The following ERAP2 variants were observed in gnomAD, a reference collection of about 807,000 sequenced individuals.
ERAP2 encodes the protein leukocyte-derived arginine aminopeptidase.
In ERAP2, 118 loss-of-function variants were observed where a neutral mutation model predicts 111.1. The observed-to-expected ratio is 1.06, with a 90% CI of 0.92 to 1.24. The LOEUF is 1.24. Among genes scored for constraint, ERAP2 ranks in the 50% most tolerant of loss-of-function variants. The pLI is 0.00. For synonymous variants in ERAP2, 410 were observed against 401.2 expected, an observed-to-expected ratio of 1.02 and a Z score of -0.26; for missense variants, 1,131 against 1,125.8, an observed-to-expected ratio of 1.00 and a Z score of -0.07.
chr5:96,911,866 C>CAAAA lies in ERAP2; in HGVS notation c.2355-759_2355-756dup, dbSNP rs386358295. ...TGAACAACAGAGTAAGACCCTGTCT[C>CAAAA]AAAAAAAAAAAAAAAGAAAGAAAGA... On this transcript the variant is annotated intron_variant, in intron 15 of 18. Transcript: ENST00000437043. Among the ~76,000 whole-genome samples the CAAAA allele has an allele frequency of 3.9e-4, 22 of 56,652 alleles. 1 individual carries two copies. The East Asian group carries it at 0.01, about 26-fold the overall frequency. The allele number at this position is 56,652 out of a possible 152,430, so 37.2% of individuals were successfully genotyped here.
At chr5:96,911,391 C>T in intron 15 of ERAP2, among the ~76,000 whole-genome samples, 1 of 152,060 alleles carries the variant, frequency 6.6e-6, no homozygotes, top group East Asian at 1.9e-4. Flanking sequence ...GTCATATGCC[C>T]ACTTAGAATA....
intron 10 of ERAP2, among the ~76,000 whole-genome samples, chr5:96,900,804 G>A (rs1369216192): frequency 6.6e-6 from 1 of 152,084 alleles, no homozygotes; most frequent in African/African-American, 2.4e-5. Context: ...AGCCTCCCAA[G>A]TAGCTGGGAT....
chr5:96,878,036 G>GT lies in ERAP2; in HGVS notation c.-123+1510dup, dbSNP rs1309983923. ...TTGAGTTGGAGCAGTAAGGAAGTAA[G>GT]TAGAGGCAGGTGGTAGGGTGGCAGT... On this transcript the variant is annotated intron_variant, in intron 1 of 18. Coordinates refer to ENST00000437043, the MANE Select transcript of ERAP2 (RefSeq NM_022350.5). Among the ~76,000 whole-genome samples, 6 of 152,218 alleles carry GT rather than the reference G, an allele frequency of 3.9e-5. No homozygotes were observed. The East Asian group carries it at 1.2e-3, about 29-fold the overall frequency.
chr5:96,898,464 TGGTGCGGTGGCTC>T (rs1785091790), intron 9 of ERAP2, among the ~76,000 whole-genome samples: 1 of 151,110 alleles, frequency 6.6e-6, no homozygotes, highest in African/African-American at 2.4e-5. Flanking sequence ...CTTATAGGCC[TGGTGCGGTGGCTC>T]ATGCTTGTAA....
At chr5:96,886,454 G>C (rs1258459736) in intron 3 of ERAP2, among the ~76,000 whole-genome samples, 1 of 152,160 alleles carries the variant, frequency 6.6e-6, no homozygotes, top group Non-Finnish European at 1.5e-5. Flanking sequence ...AGGGCTTTTT[G>C]TTTTCAACAG....
chr5:96,901,671 C>A lies in ERAP2; in HGVS notation c.1738C>A (p.Leu580Met), dbSNP rs751565810. The change falls in exon 11 of 19, where the codon CTG becomes ATG. Residue 580 changes from leucine to methionine, a missense_variant. By Grantham distance (15) the Leu-to-Met change is conservative (BLOSUM62 2). Coordinates refer to ENST00000437043, the MANE Select transcript of ERAP2 (RefSeq NM_022350.5). ...VFQEDPEWRA[L>M]QERYLWHIPL... ...CCAGGAAGACCCTGAATGGAGGGCC[C>A]TGCAGGAGAGGTGGCTGCTTTTCTT... 6.2e-7 allele frequency: 1 copy of A among 1,613,690 alleles called. No individual in the cohort carries two copies. The highest frequency in any genetic ancestry group is 8.5e-7 in the Non-Finnish European group (1 of 1,179,826).
intron 17 of ERAP2, 54 bp from the exon 18 acceptor site, chr5:96,915,634 A>T (rs1167516461): frequency 1.8e-5 from 19 of 1,052,876 alleles, no homozygotes; most frequent in Non-Finnish European, 1.4e-6. Context: ...ATGATATAAT[A>T]AACATAAGGT....
At chr5:96,898,866 A>T (rs1390668980) in intron 9 of ERAP2, among the ~76,000 whole-genome samples, 1 of 152,130 alleles carries the variant, frequency 6.6e-6, no homozygotes, top group Non-Finnish European at 1.5e-5. Flanking sequence ...CTCAGCACCA[A>T]GTATTGTGTT....
intron 17 of ERAP2, among the ~76,000 whole-genome samples, chr5:96,914,723 G>A (rs1787185663): frequency 6.6e-6 from 1 of 152,058 alleles, no homozygotes; most frequent in Non-Finnish European, 1.5e-5. Flanking sequence ...TAAAACATTG[G>A]GTTGAAGGAT....
At chr5:96,913,523 T>C in intron 17 of ERAP2, 66 bp downstream of exon 17, 2 of 1,532,824 alleles carry the variant, frequency 1.3e-6, no homozygotes, top group Non-Finnish European at 1.8e-6. Flanking sequence ...TCAAACCAAG[T>C]GTAATCAAAT....
intron 5 of ERAP2, among the ~76,000 whole-genome samples, chr5:96,890,780 T>C (rs1443987851): frequency 6.6e-6 from 1 of 152,224 alleles, no homozygotes; most frequent in Non-Finnish European, 1.5e-5. Context: ...CTGCTATTAT[T>C]GTGCAGGTTC....
Position 96,919,010 on chromosome 5 carries a change from A to G in ERAP2, c.*1405A>G, listed in dbSNP as rs1463642162. On this transcript the variant is annotated 3_prime_UTR_variant, in exon 19 of 19. Coordinates refer to ENST00000437043, the MANE Select transcript of ERAP2 (RefSeq NM_022350.5). ...AGATCACTCTACATACAGATAGTAA[A>G]CTTAATTTGTGATCCTATATATGAG... 6.6e-6 allele frequency: 1 copy of G among 152,228 alleles called. No homozygotes were observed. The highest frequency in any genetic ancestry group is 1.5e-5 in the Non-Finnish European group (1 of 68,044). The allele number at this position is 152,228 out of a possible 1,614,324, so 9.4% of individuals were successfully genotyped here.
intron 6 of ERAP2, among the ~76,000 whole-genome samples, chr5:96,894,597 A>G (rs1784680593): frequency 1.3e-5 from 2 of 152,216 alleles, no homozygotes; most frequent in Admixed American, 6.5e-5. Flanking sequence ...TACAGATCAA[A>G]TATAGGTAAA....
chr5:96,916,668 C>T (rs766239873), intron 18 of ERAP2, among the ~76,000 whole-genome samples: 1 of 151,568 alleles, frequency 6.6e-6, no homozygotes, highest in African/African-American at 2.4e-5. Context: ...TGGGGTTTCA[C>T]TGTGTTAGCC....
At chr5:96,892,159 T>G in intron 5 of ERAP2, 140 bp from the exon 6 acceptor site, 1 of 771,916 alleles carries the variant, frequency 1.3e-6, no homozygotes, top group East Asian at 2.6e-5. Flanking sequence ...AGACACCCTG[T>G]CAATGTTAAG....
At chr5:96,884,541 T>G (rs1196792775) in intron 3 of ERAP2, among the ~76,000 whole-genome samples, 1 of 139,994 alleles carries the variant, frequency 7.1e-6, no homozygotes, top group Non-Finnish European at 1.5e-5. Flanking sequence ...TTATTAATTG[T>G]GGTTATACAA....
intron 1 of ERAP2, 118 bp from the exon 2 acceptor site, chr5:96,879,446 C>T (rs551060096): frequency 2.1e-5 from 9 of 432,738 alleles, no homozygotes; most frequent in African/African-American, 1.6e-4. Context: ...GATACTTGGC[C>T]TAATTCTGAC....
Position 96,896,308 on chromosome 5 carries a change from A to G in ERAP2, c.1240-65A>G, listed in dbSNP as rs543390725. On this transcript the variant is annotated intron_variant, in intron 7 of 18. Transcript: ENST00000437043. ...CTAAGAACATCTTACTAAACCTACT[A>G]TGTTTTCTATTGCTTTTACAGTGTC... The G allele has an allele frequency of 1.2e-4, 152 of 1,297,606 alleles. No homozygotes were observed. In the African/African-American group the frequency reaches 2.1e-3, roughly 18 times the overall value. 80.4% of individuals were successfully genotyped at this position (1,297,606 alleles called of 1,614,324 possible). A position where few individuals can be genotyped will look rare whatever the true frequency, so the allele number is the denominator to read the frequency against.
At position 96,880,109 on chromosome 5, in the gene ERAP2, T is replaced by C; in HGVS notation, c.424T>C (p.Tyr142His). ...KPGKELKVLS[Y>H]PAHEQIALLV... ...AGGAAAAGAACTGAAAGTTTTGAGT[T>C]ACCCTGCTCATGAACAAATTGCACT... Residue 142 changes from tyrosine to histidine, a missense_variant, in exon 2 of 19, where the codon TAC (tyrosine) becomes CAC (histidine). By Grantham distance (83) the Tyr-to-His change is moderately conservative. Around this residue, in one of 3 missense-constraint regions of ERAP2, gnomAD observed 847 missense variants for 856.5 expected, o/e 0.99. Transcript: ENST00000437043. The C allele has an allele frequency of 1.2e-6, 2 of 1,614,184 alleles. No homozygotes were observed. The highest frequency in any genetic ancestry group is 1.7e-6 in the Non-Finnish European group (2 of 1,180,018).
Sources: gnomAD v4.1 joint callset for allele counts (sites outside exome capture counted in the v4.1 genomes callset) on GRCh38, gnomAD v4.1.1 for gene constraint, gnomAD v4.1.1 regional missense constraint, MANE v1.5 for transcripts, NCBI Gene and HGNC (gene_info 2026-07-23, HGNC 2026-07-21) for gene names.